The following SLC5A10 variants were observed in gnomAD, a reference collection of about 807,000 sequenced individuals.
The protein encoded by SLC5A10 is solute carrier family 5 member 10.
SLC5A10 carries 55 observed loss-of-function variants against 68.9 expected under a neutral mutation model. The ratio of observed to expected loss-of-function variants is 0.80; its 90% CI spans 0.64 to 1.00. SLC5A10 has a LOEUF of 1.00. SLC5A10 is among the 50% of genes least tolerant of loss of function. SLC5A10 has a pLI of 0.00. For synonymous variants in SLC5A10, 344 were observed against 344.8 expected, an observed-to-expected ratio of 1.00 and a Z score of 0.02; for missense variants, 732 against 819.3, an observed-to-expected ratio of 0.89 and a Z score of 1.30.
intron 9 of SLC5A10, 57 bp from the exon 10 acceptor site, chr17:19,013,353 C>G: frequency 6.3e-7 from 1 of 1,595,918 alleles, no homozygotes; most frequent in African/African-American, 1.4e-5. Flanking sequence ...CCTATCTTGC[C>G]CACCCCAGGT....
Position 19,019,838 on chromosome 17 carries a change from C to G in SLC5A10, c.1536C>G (p.His512Gln), listed in dbSNP as rs762307038. 2 of 1,613,584 alleles carry G rather than the reference C, an allele frequency of 1.2e-6. No individual in the cohort carries two copies. Among genetic ancestry groups the G allele is most frequent in the East Asian group, 4.5e-5 (2 of 44,894 alleles). The change falls in exon 13 of 15, where the codon CAC (histidine) becomes CAG (glutamine). Residue 512 changes from histidine to glutamine, a missense_variant. Physicochemically the swap from His to Gln is conservative, Grantham distance 24. Transcript: ENST00000395645. ...GGCCAGCCGTCCTGGGGAGCATCCA[C>G]TACCTGCACTTCGCTGTCGCCCTCT... ...DTRPAVLGSI[H>Q]YLHFAVALFA...
rs59190867 is a variant in SLC5A10, at chr17:18,966,769, A to AAAC, written c.454-2283_454-2282insAAC. 1.3e-5 allele frequency among the ~76,000 whole-genome samples: 2 copies of AAAC among 150,240 alleles called. 1 individual carries two copies. On this transcript the variant is annotated intron_variant, in intron 5 of 14. Transcript: ENST00000395645. ...CGTCTCAAAAAAAAAAAAAAAAACAACACTCTGCGGTTGCTCCTGGGTCAC... is the reference window on the plus strand; with the variant it reads ...CGTCTCAAAAAAAAAAAAAAAAACAAAACCACTCTGCGGTTGCTCCTGGGTCAC...
At chr17:18,978,826 C>G (rs1234232137) in intron 9 of SLC5A10, 9 of 1,612,368 alleles carry the variant, frequency 5.6e-6, no homozygotes, top group Admixed American at 3.3e-5. Context: ...CATTCCGGTC[C>G]GTCCGCGCGG....
chr17:18,991,754 C>A (rs1283162463), intron 9 of SLC5A10, among the ~76,000 whole-genome samples: 1 of 152,194 alleles, frequency 6.6e-6, no homozygotes, highest in East Asian at 1.9e-4. Flanking sequence ...CTGGAATCTG[C>A]GCAGGCCACA....
intron 9 of SLC5A10, among the ~76,000 whole-genome samples, chr17:18,989,450 C>CCCTACTGACA (rs143310449): frequency 0.21 from 32,074 of 152,118 alleles, 4,378 homozygotes; most frequent in African/African-American, 0.38. Context: ...GGCCTCAGGC[C>CCCTACTGACA]CCCATCGTTC....
At position 18,976,918 on chromosome 17, in the gene SLC5A10, C is replaced by A; in HGVS notation, c.911C>A (p.Ala304Asp). The change falls in exon 9 of 15, where the codon GCC becomes GAC. Residue 304 changes from alanine to aspartate, a missense_variant. Ala to Asp is a moderately radical substitution (Grantham distance 126, BLOSUM62 -2). Transcript: ENST00000395645. The stretch of plus-strand genomic sequence containing the variant: ...CATGCCAAGGCGGGCTCCATCCTGG[C>A]CAGCTACCTCAAGATGCTCCCCATG... ...LNHAKAGSIL[A>D]SYLKMLPMGL... 2 of 1,613,444 alleles carry A rather than the reference C, an allele frequency of 1.2e-6. No homozygotes were observed. Among genetic ancestry groups the A allele is most frequent in the Non-Finnish European group, 1.7e-6 (2 of 1,179,820 alleles).
In SLC5A10 at chr17:19,021,671, A is replaced by T. The variant is rs1230742380; in HGVS notation, c.*1240A>T. 12 of 397,894 alleles carry T rather than the reference A, an allele frequency of 3.0e-5. No individual in the cohort carries two copies. Among genetic ancestry groups the T allele is most frequent in the East Asian group, 1.8e-4 (5 of 28,026 alleles). The allele number at this position is 397,894 out of a possible 1,614,324, so 24.6% of individuals were successfully genotyped here. ...GGCAGATGGGGCCATTGACAAGAGG[A>T]GGTGGGCGGGGCCTCCACAGACTCC... On this transcript the variant is annotated 3_prime_UTR_variant, in exon 15 of 15. Transcript: ENST00000395645. This position sits in a 1 kb window ranked among gnomAD's most constrained non-coding sequence, Gnocchi z 4.1.
In SLC5A10 at chr17:18,971,239, C is replaced by T. The variant is rs2042836381; in HGVS notation, c.846+21C>T. On this transcript the variant is annotated intron_variant, in intron 8 of 14. Coordinates refer to ENST00000395645, the MANE Select transcript of SLC5A10 (RefSeq NM_001042450.4). The surrounding 1 kb of genome is among the most constrained non-coding windows in gnomAD (Gnocchi z 5.5). ...ACCAGGTGAGTGCCAACGTCTCCCG[C>T]CCATCCCACCTTCCTGCCGTCCCAG... The T allele has an allele frequency of 6.2e-7, 1 of 1,612,898 alleles. No individual in the cohort carries two copies. Among genetic ancestry groups the T allele is most frequent in the Non-Finnish European group, 8.5e-7 (1 of 1,179,246 alleles).
At chr17:18,960,097 C>T (rs2042582686) in intron 4 of SLC5A10, among the ~76,000 whole-genome samples, 1 of 152,176 alleles carries the variant, frequency 6.6e-6, no homozygotes, top group Non-Finnish European at 1.5e-5. Flanking sequence ...TCGACTCTGC[C>T]CACTCCTTCA....
intron 1 of SLC5A10, chr17:18,953,821 G>C (rs1481971382): frequency 6.6e-6 from 1 of 152,660 alleles, no homozygotes; most frequent in East Asian, 1.9e-4. Flanking sequence ...TTTTGGGTTG[G>C]GGATGTTCAA....
chr17:18,967,536 G>A (rs1295220241), intron 5 of SLC5A10, among the ~76,000 whole-genome samples: 1 of 152,234 alleles, frequency 6.6e-6, no homozygotes, highest in Non-Finnish European at 1.5e-5. Flanking sequence ...AGGGCCATGT[G>A]TCTGGCGTGG....
In SLC5A10 at chr17:19,018,162, C is replaced by G. The variant is rs940046438; in HGVS notation, c.1242-1261C>G. ...AAGGGAAGAAAGGGAGGGAGGAAGG[C>G]GGACAGGCGCTGAGAGGACCCACCC... On this transcript the variant is annotated intron_variant, in intron 11 of 14. Coordinates refer to ENST00000395645, the MANE Select transcript of SLC5A10 (RefSeq NM_001042450.4). The surrounding 1 kb of genome is among the most constrained non-coding windows in gnomAD (Gnocchi z 4.2). 6.6e-6 allele frequency: 1 copy of G among 152,242 alleles called. No individual in the cohort carries two copies. Among genetic ancestry groups the G allele is most frequent in the Non-Finnish European group, 1.5e-5 (1 of 68,064 alleles). 9.4% of individuals were successfully genotyped at this position (152,242 alleles called of 1,614,324 possible).
chr17:19,011,670 G>T, intron 9 of SLC5A10, among the ~76,000 whole-genome samples: 1 of 151,880 alleles, frequency 6.6e-6, no homozygotes, highest in Non-Finnish European at 1.5e-5. Context: ...AGCCTGGGGG[G>T]CTAATGGGAG....
Position 18,969,044 on chromosome 17 carries a change from C to T in SLC5A10, c.454-8C>T, listed in dbSNP as rs1187151042. Reference sequence around the variant, plus strand: ...AACAGTCCCACACAAGGCTCTCTCCCTCCGCAGCTGGACCTGTACGCGGGG... The same window carrying T: ...AACAGTCCCACACAAGGCTCTCTCCTTCCGCAGCTGGACCTGTACGCGGGG... On this transcript the variant is annotated splice_region_variant and splice_polypyrimidine_tract_variant and intron_variant, in intron 5 of 14. Coordinates refer to ENST00000395645, the MANE Select transcript of SLC5A10 (RefSeq NM_001042450.4). The T allele has an allele frequency of 6.2e-7, 1 of 1,610,722 alleles. No homozygotes were observed. Among genetic ancestry groups the T allele is most frequent in the Non-Finnish European group, 8.5e-7 (1 of 1,178,452 alleles).
intron 1 of SLC5A10, chr17:18,953,997 C>T (rs1425076511): frequency 4.6e-5 from 7 of 152,202 alleles, no homozygotes; most frequent in Admixed American, 2.6e-4. Flanking sequence ...CAAGTCTCGG[C>T]TCTGCTCTGT....
chr17:18,974,595 A>G (rs1476699363), intron 8 of SLC5A10, among the ~76,000 whole-genome samples: 1 of 152,204 alleles, frequency 6.6e-6, no homozygotes, highest in Non-Finnish European at 1.5e-5. Context: ...CTCAGTCATA[A>G]CAGCAACCAC....
In SLC5A10 at chr17:19,019,810, C is replaced by CTCCCCA. The variant is rs2044224125; in HGVS notation, c.1508_1509insTCCCCA (p.Thr503_Arg504insProGln). 1 of 1,613,186 alleles carries CTCCCCA rather than the reference C, an allele frequency of 6.2e-7. No homozygotes were observed. Among genetic ancestry groups the CTCCCCA allele is most frequent in the Non-Finnish European group, 8.5e-7 (1 of 1,179,866 alleles). On this transcript the variant is annotated inframe_insertion, in exon 13 of 15. Transcript: ENST00000395645. ...GCCCCACCGTGCGGAGAGCCAGACA[C>CTCCCCA]GCGGCCAGCCGTCCTGGGGAGCATC... is the stretch of plus-strand genomic sequence containing the variant.
chr17:19,005,654 C>CCG (rs1555578696), intron 9 of SLC5A10, among the ~76,000 whole-genome samples: 1 of 151,956 alleles, frequency 6.6e-6, no homozygotes, highest in Non-Finnish European at 1.5e-5. Flanking sequence ...CAAACCCCCC[C>CCG]CCTCCAAGGC....
chr17:18,977,678 T>A, intron 9 of SLC5A10: 1 of 1,610,594 alleles, frequency 6.2e-7, no homozygotes, highest in Non-Finnish European at 8.5e-7. Context: ...GGAGCCACCC[T>A]GGGGTCCAAC....
Sources: gnomAD v4.1 joint callset for allele counts (sites outside exome capture counted in the v4.1 genomes callset) on GRCh38, gnomAD v4.1.1 for gene constraint, Gnocchi (gnomAD v3.1) non-coding constraint, MANE v1.5 for transcripts, NCBI Gene and HGNC (gene_info 2026-07-23, HGNC 2026-07-21) for gene names.